The following LUZP2 variants were observed in gnomAD, a reference collection of about 807,000 sequenced individuals.
LUZP2 encodes leucine zipper protein 2.
A neutral mutation model predicts 51.6 loss-of-function variants in LUZP2; 52 were observed. The observed-to-expected ratio is 1.01, with a 90% CI of 0.81 to 1.27. The LOEUF (loss-of-function observed/expected upper bound fraction) is 1.27, where lower values mean the gene tolerates loss of function less well. Among genes scored for constraint, LUZP2 ranks in the 50% most tolerant of loss-of-function variants. The probability of loss-of-function intolerance (pLI) is 0.00; values close to 1 mark genes in which losing one functional copy is unlikely to be tolerated. For synonymous variants in LUZP2, 154 were observed against 137.3 expected (o/e 1.12, Z -0.85); for missense variants, 436 against 395.4 (o/e 1.10, Z -0.87).
At chr11:24,584,739 A>G (rs1852999405) in intron 1 of LUZP2, among the ~76,000 whole-genome samples, 2 of 152,224 alleles carry the variant, frequency 1.3e-5, no homozygotes, top group African/African-American at 2.4e-5. Flanking sequence ...GCAATTACAC[A>G]AAAGTGAAAA....
intron 1 of LUZP2, among the ~76,000 whole-genome samples, chr11:24,647,511 T>C (rs1005138095): frequency 1.3e-5 from 2 of 152,000 alleles, no homozygotes; most frequent in East Asian, 3.8e-4. Flanking sequence ...GAAATTATTT[T>C]CTTTCATGAG....
intron 1 of LUZP2, among the ~76,000 whole-genome samples, chr11:24,565,980 A>G (rs1412282326): frequency 1.3e-5 from 2 of 152,114 alleles, no homozygotes; most frequent in African/African-American, 2.4e-5. Context: ...TTCAACTATC[A>G]GTATCCATAA....
intron 1 of LUZP2, among the ~76,000 whole-genome samples, chr11:24,530,349 G>T (rs1850954451): frequency 6.6e-6 from 1 of 150,636 alleles, no homozygotes; most frequent in South Asian, 2.1e-4. Flanking sequence ...TCTGATTTTT[G>T]ATTAAATTAT....
At chr11:24,640,131 T>G (rs1855230736) in intron 1 of LUZP2, among the ~76,000 whole-genome samples, 2 of 151,868 alleles carry the variant, frequency 1.3e-5, no homozygotes, top group African/African-American at 4.9e-5. Flanking sequence ...TCCCAAGTCC[T>G]TGAGAAAAAC....
At chr11:24,598,308 GT>G (rs1306525643) in intron 1 of LUZP2, among the ~76,000 whole-genome samples, 1 of 151,900 alleles carries the variant, frequency 6.6e-6, no homozygotes, top group Admixed American at 6.6e-5. Flanking sequence ...CAATCAAAAT[GT>G]TTTTTGTACA....
chr11:24,508,181 A>G (rs549673839), intron 1 of LUZP2, among the ~76,000 whole-genome samples: 1 of 152,166 alleles, frequency 6.6e-6, no homozygotes, highest in South Asian at 2.1e-4. Flanking sequence ...TTCAAAGGCC[A>G]GGTGGCACTA....
chr11:24,519,596 G>A (rs1422375206), intron 1 of LUZP2, among the ~76,000 whole-genome samples: 1 of 152,116 alleles, frequency 6.6e-6, no homozygotes, highest in Non-Finnish European at 1.5e-5. Flanking sequence ...CTTGGGAAAG[G>A]GTTTCGCCTT....
intron 5 of LUZP2, among the ~76,000 whole-genome samples, chr11:24,769,349 T>C (rs1860315196): frequency 6.6e-6 from 1 of 152,126 alleles, no homozygotes; most frequent in Non-Finnish European, 1.5e-5. Context: ...TCACCAACAG[T>C]GTATTATGTA....
chr11:24,712,839 C>A (rs1036326151), intron 1 of LUZP2, among the ~76,000 whole-genome samples: 6 of 152,170 alleles, frequency 3.9e-5, no homozygotes, highest in Non-Finnish European at 8.8e-5. Context: ...ATGATTAATG[C>A]TGCTTTAAAC....
intron 1 of LUZP2, among the ~76,000 whole-genome samples, chr11:24,660,141 C>T (rs1444036639): frequency 6.6e-6 from 1 of 152,114 alleles, no homozygotes; most frequent in Non-Finnish European, 1.5e-5. Context: ...GAAGGTGAAT[C>T]GTGCCAATAC....
chr11:24,669,981 C>G (rs1043435984), intron 1 of LUZP2, among the ~76,000 whole-genome samples: 1 of 151,906 alleles, frequency 6.6e-6, no homozygotes, highest in Non-Finnish European at 1.5e-5. Flanking sequence ...GTATGTTTAT[C>G]TGGCTACATT....
intron 1 of LUZP2, among the ~76,000 whole-genome samples, chr11:24,588,972 T>C (rs1853168315): frequency 6.6e-6 from 1 of 152,166 alleles, no homozygotes; most frequent in Non-Finnish European, 1.5e-5. Context: ...AACAACTCTG[T>C]TTCTCTTCTT....
chr11:24,892,206 G>T, intron 5 of LUZP2: 10 of 985,420 alleles, frequency 1.0e-5, no homozygotes, highest in Non-Finnish European at 1.2e-5. Context: ...TGATCTGTGA[G>T]GAAAAATGTG....
At chr11:24,542,289 A>G (rs781177656) in intron 1 of LUZP2, among the ~76,000 whole-genome samples, 1 of 152,068 alleles carries the variant, frequency 6.6e-6, no homozygotes, top group Non-Finnish European at 1.5e-5. Context: ...TCTGAGTTAC[A>G]TTTCAGAATC....
intron 1 of LUZP2, among the ~76,000 whole-genome samples, chr11:24,716,756 C>T (rs1305822330): frequency 2.6e-5 from 4 of 152,000 alleles, no homozygotes; most frequent in Admixed American, 6.6e-5. Flanking sequence ...ATGTTCTGGG[C>T]ATGATGGCAG....
At chr11:24,685,514 A>G (rs1361411817) in intron 1 of LUZP2, among the ~76,000 whole-genome samples, 2 of 152,034 alleles carry the variant, frequency 1.3e-5, no homozygotes, top group African/African-American at 4.8e-5. Context: ...TGCATGTGCT[A>G]TGTCTTCTGG....
rs191999801 is a variant in LUZP2, at chr11:25,074,778, A to C, written c.859-2551A>C. Reference sequence around the variant, plus strand: ...TGCAAACCCCATATTTATAGGACAGAATTATCACCCTGGTGTGTTTTTTTA... The same window carrying C: ...TGCAAACCCCATATTTATAGGACAGCATTATCACCCTGGTGTGTTTTTTTA... On this transcript the variant is annotated intron_variant, in intron 10 of 11. Coordinates refer to ENST00000336930, the MANE Select transcript of LUZP2 (RefSeq NM_001009909.4). Among the ~76,000 whole-genome samples the C allele has an allele frequency of 3.3e-5, 5 of 152,180 alleles. No homozygotes were observed. In the East Asian group the frequency reaches 9.6e-4, roughly 29 times the overall value.
intron 4 of LUZP2, 121 bp from the exon 5 acceptor site, chr11:24,763,124 CT>C: frequency 1.8e-6 from 1 of 554,476 alleles, no homozygotes. Context: ...CAGTGTAATT[CT>C]TTGTTCTTTT....
chr11:24,989,437 T>C (rs944929320), intron 9 of LUZP2, among the ~76,000 whole-genome samples: 3 of 152,044 alleles, frequency 2.0e-5, no homozygotes, highest in Non-Finnish European at 2.9e-5. Flanking sequence ...ATTTAGGATA[T>C]CTTCATTATT....
Sources: gnomAD v4.1 joint callset for allele counts (sites outside exome capture counted in the v4.1 genomes callset) on GRCh38, gnomAD v4.1.1 for gene constraint, MANE v1.5 for transcripts, NCBI Gene and HGNC (gene_info 2026-07-23, HGNC 2026-07-21) for gene names.